PCDHGB7: variants seen among roughly 807,000 people sequenced by gnomAD.
PCDHGB7 encodes the protein protocadherin gamma-B7.
A neutral mutation model predicts 61.4 loss-of-function variants in PCDHGB7; 37 were observed. The ratio of observed to expected loss-of-function variants is 0.60; its 90% CI spans 0.46 to 0.79. The LOEUF is 0.79. Ranked by LOEUF, PCDHGB7 falls within the 30% of genes least tolerant of loss-of-function variation. The pLI is 0.00. For synonymous variants in PCDHGB7, 464 were observed against 503.5 expected, an observed-to-expected ratio of 0.92 and a Z score of 1.05; for missense variants, 1,166 against 1,202.5, an observed-to-expected ratio of 0.97 and a Z score of 0.45.
chr5:141,483,892 A>C (rs1463395859), intron 1 of PCDHGB7, among the ~76,000 whole-genome samples: 1 of 151,652 alleles, frequency 6.6e-6, no homozygotes, highest in Non-Finnish European at 1.5e-5. Flanking sequence ...TATTTCTCTG[A>C]GCTCTGGTGT....
chr5:141,477,878 C>T lies in PCDHGB7; in HGVS notation c.2416-16929C>T. On this transcript the variant is annotated intron_variant, in intron 1 of 3. Coordinates refer to ENST00000398594, the MANE Select transcript of PCDHGB7 (RefSeq NM_018927.4). The surrounding 1 kb of genome is among the most constrained non-coding windows in gnomAD (Gnocchi z 4.9). ...GCTGCCTCGAGGTACCTCAGCTGGC[C>T]ACCTAGTGTCACGGGTGGTAGGCTG... 2.5e-6 allele frequency: 4 copies of T among 1,614,158 alleles called. No individual in the cohort carries two copies. Among genetic ancestry groups the T allele is most frequent in the Non-Finnish European group, 3.4e-6 (4 of 1,180,008 alleles).
chr5:141,460,961 ATGTGTGTG>A (rs35821115), intron 1 of PCDHGB7, among the ~76,000 whole-genome samples: 11 of 144,552 alleles, frequency 7.6e-5, no homozygotes, highest in South Asian at 2.2e-4. Context: ...GTATATATAT[ATGTGTGTG>A]TGTGTGTGTG....
In PCDHGB7 at chr5:141,489,189, C is replaced by A; in HGVS notation, c.2416-5618C>A. 1 of 1,341,534 alleles carries A rather than the reference C, an allele frequency of 7.5e-7. No homozygotes were observed. The highest frequency in any genetic ancestry group is 1.0e-6 in the Non-Finnish European group (1 of 975,280). 83.1% of individuals were successfully genotyped at this position (1,341,534 alleles called of 1,614,324 possible). A position where few individuals can be genotyped will look rare whatever the true frequency, so the allele number is the denominator to read the frequency against. On this transcript the variant is annotated intron_variant, in intron 1 of 3. Transcript: ENST00000398594. This position sits in a 1 kb window ranked among gnomAD's most constrained non-coding sequence, Gnocchi z 4.5. ...TGCTGCATTCCAAGCCCTGGGTCTA[C>A]CTTGGAGACAGGACAGCACAGACTT...
rs781580216 is a variant in PCDHGB7 at position 141,430,931 on chromosome 5, G to A, written c.2415+10657G>A. The stretch of plus-strand genomic sequence containing the variant: ...CAGGGACCTGGGGCTGGAGCCCCGG[G>A]AGCTCGCGGAGCGCGGAGTCCGCAT... On this transcript the variant is annotated intron_variant, in intron 1 of 3. Coordinates refer to ENST00000398594, the MANE Select transcript of PCDHGB7 (RefSeq NM_018927.4). The A allele has an allele frequency of 1.5e-5, 24 of 1,607,530 alleles. No individual in the cohort carries two copies. In the East Asian group the frequency reaches 4.9e-4, roughly 33 times the overall value.
chr5:141,508,627 C>T (rs566012494), intron 3 of PCDHGB7, among the ~76,000 whole-genome samples: 1 of 152,262 alleles, frequency 6.6e-6, no homozygotes, highest in South Asian at 2.1e-4. Flanking sequence ...GTGGGCCGAG[C>T]TTCTAGCTAC....
intron 1 of PCDHGB7, among the ~76,000 whole-genome samples, chr5:141,492,409 C>A (rs1367119266): frequency 6.6e-6 from 1 of 152,230 alleles, no homozygotes; most frequent in Non-Finnish European, 1.5e-5. Flanking sequence ...TCCCCTCTGC[C>A]GCTCCCTCCG....
At chr5:141,473,808 C>G (rs1562041705) in intron 1 of PCDHGB7, among the ~76,000 whole-genome samples, 1 of 152,198 alleles carries the variant, frequency 6.6e-6, no homozygotes, top group Non-Finnish European at 1.5e-5. Flanking sequence ...TACTGAGGAG[C>G]AGCTGGACAA....
rs2099648980 is a variant in PCDHGB7 at position 141,487,537 on chromosome 5, G to A, written c.2416-7270G>A. ...CTCGGAGTGATAGCTTCATGATGGT[G>A]AAGTCACCCAGTGCACCTATGGCAG... On this transcript the variant is annotated intron_variant, in intron 1 of 3. Transcript: ENST00000398594. The surrounding 1 kb of genome is among the most constrained non-coding windows in gnomAD (Gnocchi z 5.0). The A allele has an allele frequency of 1.2e-6, 2 of 1,614,188 alleles. No individual in the cohort carries two copies. Among genetic ancestry groups the A allele is most frequent in the Admixed American group, 1.7e-5 (1 of 60,028 alleles).
intron 1 of PCDHGB7, chr5:141,421,255 C>A (rs759899934): frequency 1.9e-6 from 3 of 1,607,644 alleles, no homozygotes; most frequent in Non-Finnish European, 2.5e-6. Context: ...GCGCGGGGAC[C>A]GCAGTCGGCT....
intron 1 of PCDHGB7, among the ~76,000 whole-genome samples, chr5:141,456,363 G>A (rs1233146015): frequency 6.6e-6 from 1 of 152,098 alleles, no homozygotes; most frequent in African/African-American, 2.4e-5. Flanking sequence ...GTCCATGTGT[G>A]GTTCAGTTTA....
At chr5:141,503,023 A>AAT (rs2099817696) in intron 2 of PCDHGB7, among the ~76,000 whole-genome samples, 1 of 141,888 alleles carries the variant, frequency 7.0e-6, no homozygotes, top group African/African-American at 2.6e-5. Context: ...TTTTTTTTTT[A>AAT]ATATCTATTT....
intron 1 of PCDHGB7, among the ~76,000 whole-genome samples, chr5:141,439,371 TA>T (rs1008614540): frequency 7.2e-5 from 11 of 152,034 alleles, no homozygotes; most frequent in Non-Finnish European, 1.0e-4. Flanking sequence ...CAAGAAGAAA[TA>T]AAAATAAGTC....
chr5:141,423,456 C>T, intron 1 of PCDHGB7: 1 of 1,613,924 alleles, frequency 6.2e-7, no homozygotes, highest in Non-Finnish European at 8.5e-7. Context: ...ATTTTGTAGG[C>T]GTGGACGGGG....
Position 141,490,909 on chromosome 5 carries a change from G to T in PCDHGB7, c.2416-3898G>T. 4 of 1,613,744 alleles carry T rather than the reference G, an allele frequency of 2.5e-6. No individual in the cohort carries two copies. Among genetic ancestry groups the T allele is most frequent in the Non-Finnish European group, 3.4e-6 (4 of 1,179,762 alleles). ...ATCTCTGCATGTGTTTGTCCTAGAC[G>T]AGAATGATAATGCCCCAGCTGTGCT... On this transcript the variant is annotated intron_variant, in intron 1 of 3. Transcript: ENST00000398594. The surrounding 1 kb of genome is among the most constrained non-coding windows in gnomAD (Gnocchi z 5.4).
rs1390441638 is a variant in PCDHGB7, at chr5:141,432,562, C to T, written c.2415+12288C>T. 1.9e-6 allele frequency: 3 copies of T among 1,613,964 alleles called. No individual in the cohort carries two copies. Among genetic ancestry groups the T allele is most frequent in the Non-Finnish European group, 2.5e-6 (3 of 1,180,004 alleles). On this transcript the variant is annotated intron_variant, in intron 1 of 3. Coordinates refer to ENST00000398594, the MANE Select transcript of PCDHGB7 (RefSeq NM_018927.4). This position sits in a 1 kb window ranked among gnomAD's most constrained non-coding sequence, Gnocchi z 6.0. ...CGGTGGACAGAGACTCCGGCCAGAA[C>T]GCCTGGCTGTCCTACCGTCTGCTCA...
Position 141,418,687 on chromosome 5 carries a change from G to T in PCDHGB7, c.828G>T (p.Glu276Asp), listed in dbSNP as rs758554600. ...ACCAGGACGAGGGCATCAACTCAGA[G>T]ATCACTTATTCCTTCTTTGGTGTGG... ...ATDQDEGINS[E>D]ITYSFFGVAD... Residue 276 changes from glutamate (E) to aspartate (D), a missense_variant, in exon 1 of 4, where the codon GAG becomes GAT. Physicochemically the swap from Glu to Asp is conservative, Grantham distance 45. Transcript: ENST00000398594. The T allele has an allele frequency of 6.2e-7, 1 of 1,613,928 alleles. No individual in the cohort carries two copies. The highest frequency in any genetic ancestry group is 1.3e-5 in the African/African-American group (1 of 74,938).
At chr5:141,422,168 G>T in intron 1 of PCDHGB7, 2 of 1,563,582 alleles carry the variant, frequency 1.3e-6, no homozygotes, top group Non-Finnish European at 1.7e-6. Context: ...GAAAAATATA[G>T]ATTCTATGAG....
At chr5:141,427,694 A>G in intron 1 of PCDHGB7, 2 of 913,934 alleles carry the variant, frequency 2.2e-6, no homozygotes, top group South Asian at 1.4e-5. Flanking sequence ...CCTCCATCCC[A>G]CAAGTCAGCG....
chr5:141,431,004 G>A lies in PCDHGB7; in HGVS notation c.2415+10730G>A, dbSNP rs569594120. The A allele has an allele frequency of 6.2e-7, 1 of 1,614,048 alleles. No homozygotes were observed. The highest frequency in any genetic ancestry group is 1.1e-5 in the South Asian group (1 of 91,074). On this transcript the variant is annotated intron_variant, in intron 1 of 3. Coordinates refer to ENST00000398594, the MANE Select transcript of PCDHGB7 (RefSeq NM_018927.4). The surrounding 1 kb of genome is among the most constrained non-coding windows in gnomAD (Gnocchi z 4.8). ...CTTTTCGCCCTGAATCCGCGCAGCG[G>A]CAGCTTGGTCACGGCGGGCAGGATA... is the stretch of plus-strand genomic sequence containing the variant.
Sources: allele counts gnomAD v4.1 joint callset (sites outside exome capture counted in the v4.1 genomes callset), GRCh38; gene constraint gnomAD v4.1.1; non-coding constraint Gnocchi (gnomAD v3.1); transcripts MANE v1.5; gene names NCBI Gene and HGNC (gene_info 2026-07-23, HGNC 2026-07-21).